Variants in PTGER4 observed in about 807,000 individuals in gnomAD.
PTGER4 encodes the protein prostaglandin E2 receptor EP4 subtype.
Under a neutral mutation model 33.2 loss-of-function variants are expected in PTGER4, and 11 were observed. The ratio of observed to expected loss-of-function variants is 0.33; its 90% CI spans 0.21 to 0.55. The LOEUF is 0.55. Among genes scored for constraint, PTGER4 ranks in the 20% least tolerant of loss-of-function variants. PTGER4 has a pLI of 0.92. For missense variants in PTGER4, 481 were observed against 650.2 expected, an observed-to-expected ratio of 0.74 and a Z score of 2.83; for synonymous variants, 275 against 281.5, an observed-to-expected ratio of 0.98 and a Z score of 0.23.
the PTGER4 span, among the ~76,000 whole-genome samples, chr5:40,730,565 A>G: frequency 1.3e-5 from 2 of 152,020 alleles, no homozygotes; most frequent in South Asian, 4.1e-4. Context: ...CCCAAACTGA[A>G]ACTCCATACC....
downstream of PTGER4, among the ~76,000 whole-genome samples, chr5:40,697,266 G>GAAAGAAAGAAAGAAAGAAAGAA (rs2111827490): frequency 9.2e-6 from 1 of 108,274 alleles, no homozygotes; most frequent in African/African-American, 2.8e-5. Flanking sequence ...AAGAAAGAAA[G>GAAAGAAAGAAAGAAAGAAAGAA]AAAGAAAGAA....
chr5:40,739,156 A>G, the PTGER4 span, among the ~76,000 whole-genome samples: 2 of 152,214 alleles, frequency 1.3e-5, no homozygotes, highest in Non-Finnish European at 2.9e-5. Context: ...ACATTCAAAA[A>G]CACAGTTAAG....
At chr5:40,684,113 G>GCC (rs1301942800) in intron 2 of PTGER4, among the ~76,000 whole-genome samples, 8 of 72,592 alleles carry the variant, frequency 1.1e-4, no homozygotes, top group East Asian at 3.5e-4. Context: ...GGTTCATTAT[G>GCC]CCACCCACCC....
chr5:40,681,539 C>A lies in PTGER4; in HGVS notation c.546C>A (p.Ala182=), dbSNP rs1428454694. Residue 182 remains alanine (A), a synonymous_variant, in exon 2 of 3, where the codon GCC becomes GCA. Transcript: ENST00000302472. This position sits in a 1 kb window ranked among gnomAD's most constrained non-coding sequence, Gnocchi z 9.8. Reference sequence around the variant, plus strand: ...GGACCACCAACGTGACGGCGCACGCCGCCTACTCCTACATGTACGCGGGCT... The same window carrying A: ...GGACCACCAACGTGACGGCGCACGCAGCCTACTCCTACATGTACGCGGGCT... ...IDWTTNVTAH[A]AYSYMYAGFS... is the part of the protein sequence containing the mutation. The A allele has an allele frequency of 1.2e-6, 2 of 1,612,604 alleles. No homozygotes were observed. The highest frequency in any genetic ancestry group is 4.5e-5 in the East Asian group (2 of 44,878).
At chr5:40,732,781 GT>G in the PTGER4 span, among the ~76,000 whole-genome samples, 5 of 151,944 alleles carry the variant, frequency 3.3e-5, no homozygotes, top group African/African-American at 1.2e-4. Context: ...GCTAATTTTT[GT>G]TTTTTCGTAG....
the PTGER4 span, among the ~76,000 whole-genome samples, chr5:40,730,497 T>C: frequency 1.3e-5 from 2 of 152,180 alleles, no homozygotes; most frequent in East Asian, 3.8e-4. Context: ...GTACATATAG[T>C]TCATTCACCT....
the PTGER4 span, among the ~76,000 whole-genome samples, chr5:40,725,674 T>C: frequency 6.6e-6 from 1 of 152,010 alleles, no homozygotes; most frequent in Non-Finnish European, 1.5e-5. Context: ...CCTTTCCCAG[T>C]CTCCTTCCCT....
chr5:40,692,522 CT>C lies in PTGER4; in HGVS notation c.*148del. On this transcript the variant is annotated 3_prime_UTR_variant, in exon 3 of 3. Transcript: ENST00000302472. ...TAGAGAACATCCTGGCTTTTGAGCA[CT>C]TTTCAAACAATCAAGTTGACTCACG... 6.9e-7 allele frequency: 1 copy of C among 1,454,718 alleles called. No individual in the cohort carries two copies. The highest frequency in any genetic ancestry group is 2.7e-5 in the Admixed American group (1 of 37,538). 90.1% of individuals were successfully genotyped at this position (1,454,718 alleles called of 1,614,324 possible).
At chr5:40,686,056 C>A (rs1741316939) in intron 2 of PTGER4, among the ~76,000 whole-genome samples, 1 of 152,066 alleles carries the variant, frequency 6.6e-6, no homozygotes, top group South Asian at 2.1e-4. Flanking sequence ...TACACACCAC[C>A]CAGTCAATAA....
the PTGER4 span, among the ~76,000 whole-genome samples, chr5:40,726,579 G>C: frequency 6.8e-6 from 1 of 146,664 alleles, no homozygotes; most frequent in African/African-American, 2.5e-5. Context: ...ATTCTTCTAA[G>C]AATTTCACAG....
chr5:40,746,462 T>C, the PTGER4 span, among the ~76,000 whole-genome samples: 1 of 152,180 alleles, frequency 6.6e-6, no homozygotes, highest in African/African-American at 2.4e-5. Context: ...AAGCAGAAAG[T>C]TTCCAGTGAT....
At chr5:40,739,278 T>C in the PTGER4 span, among the ~76,000 whole-genome samples, 2 of 152,258 alleles carry the variant, frequency 1.3e-5, no homozygotes, top group South Asian at 4.1e-4. Flanking sequence ...GCTTGTCAAT[T>C]ATCTCAAACG....
chr5:40,722,188 G>A, the PTGER4 span, among the ~76,000 whole-genome samples: 2 of 152,032 alleles, frequency 1.3e-5, no homozygotes, highest in Non-Finnish European at 2.9e-5. Context: ...CTGGGTGACA[G>A]AGGGAGACTC....
the PTGER4 span, among the ~76,000 whole-genome samples, chr5:40,711,700 C>A: frequency 3.3e-5 from 5 of 151,658 alleles, no homozygotes; most frequent in Non-Finnish European, 7.4e-5. Context: ...TACTATTCAG[C>A]AATAAAAAGG....
the PTGER4 span, among the ~76,000 whole-genome samples, chr5:40,703,546 C>T: frequency 2.0e-5 from 3 of 151,988 alleles, no homozygotes; most frequent in East Asian, 1.9e-4. Context: ...GAGTCATAGC[C>T]GAATTCTACC....
the PTGER4 span, among the ~76,000 whole-genome samples, chr5:40,699,678 T>A: frequency 6.6e-6 from 1 of 152,094 alleles, no homozygotes; most frequent in African/African-American, 2.4e-5. Context: ...ATCCCAGAAA[T>A]GCAGTTGATT....
the PTGER4 span, among the ~76,000 whole-genome samples, chr5:40,740,864 C>T: frequency 6.6e-6 from 1 of 152,146 alleles, no homozygotes; most frequent in Non-Finnish European, 1.5e-5. Context: ...TCTAGAAGGA[C>T]CCAGACTAGC....
At chr5:40,719,430 C>T in the PTGER4 span, among the ~76,000 whole-genome samples, 4 of 152,162 alleles carry the variant, frequency 2.6e-5, no homozygotes, top group Admixed American at 1.3e-4. Flanking sequence ...GGATATACCA[C>T]ATTTTGTTTA....
chr5:40,706,620 A>G, the PTGER4 span, among the ~76,000 whole-genome samples: 11 of 152,174 alleles, frequency 7.2e-5, no homozygotes, highest in African/African-American at 1.9e-4. Flanking sequence ...TTCAGCACAA[A>G]GCAGAAAATC....
Sources: gnomAD v4.1 joint callset for allele counts (sites outside exome capture counted in the v4.1 genomes callset) on GRCh38, gnomAD v4.1.1 for gene constraint, Gnocchi (gnomAD v3.1) non-coding constraint, MANE v1.5 for transcripts, NCBI Gene and HGNC (gene_info 2026-07-23, HGNC 2026-07-21) for gene names.